The following RRAS2 variants were observed in gnomAD, a reference collection of about 807,000 sequenced individuals.
The protein encoded by RRAS2 is ras-related protein R-Ras2.
In RRAS2, 7 loss-of-function variants were observed where a neutral mutation model predicts 27.6. The ratio of observed to expected loss-of-function variants is 0.25; its 90% CI spans 0.14 to 0.48. The LOEUF (loss-of-function observed/expected upper bound fraction) is 0.48, where lower values mean the gene tolerates loss of function less well. Among genes scored for constraint, RRAS2 ranks in the 20% least tolerant of loss-of-function variants. RRAS2 has a pLI of 0.99. For synonymous variants in RRAS2, 86 were observed against 90.9 expected (o/e 0.95, Z 0.31); for missense variants, 178 against 256.2 (o/e 0.69, Z 2.08).
chr11:14,337,004 C>T (rs1021887838), intron 1 of RRAS2: 4 of 152,134 alleles, frequency 2.6e-5, no homozygotes, highest in African/African-American at 4.8e-5. Context: ...ATCTTACCTA[C>T]AGGAGAAAAA....
At chr11:14,294,637 C>G in intron 3 of RRAS2, 58 bp from the exon 4 acceptor site, 1 of 1,473,038 alleles carries the variant, frequency 6.8e-7, no homozygotes. Flanking sequence ...CAGAATTCAG[C>G]AAGTCTCATG....
chr11:14,302,819 G>A (rs1422106967), intron 1 of RRAS2, among the ~76,000 whole-genome samples: 2 of 152,204 alleles, frequency 1.3e-5, no homozygotes, highest in African/African-American at 4.8e-5. Flanking sequence ...GGAGGCAGCA[G>A]AATTGAGGGA....
Position 14,355,218 on chromosome 11 carries a change from A to G in RRAS2, c.108+3545T>C, listed in dbSNP as rs1288092054. 3.3e-5 allele frequency among the ~76,000 whole-genome samples: 5 copies of G among 152,170 alleles called. No individual in the cohort carries two copies. In the South Asian group the frequency reaches 6.2e-4, roughly 19 times the overall value. On this transcript the variant is annotated intron_variant, in intron 1 of 5. Transcript: ENST00000256196. The stretch of plus-strand genomic sequence containing the variant: ...GCAGAAATTTGTTCAACCAAACCCA[A>G]CATTTCATGGGGAAGAAAGAGAAGC...
intron 1 of RRAS2, among the ~76,000 whole-genome samples, chr11:14,349,995 G>GC (rs1479774549): frequency 1.3e-5 from 2 of 152,150 alleles, no homozygotes; most frequent in Non-Finnish European, 2.9e-5. Flanking sequence ...AAGGGTCCCT[G>GC]CCCCCATTCC....
intron 1 of RRAS2, among the ~76,000 whole-genome samples, chr11:14,351,826 C>T (rs1167415304): frequency 1.4e-5 from 2 of 138,244 alleles, no homozygotes; most frequent in African/African-American, 5.4e-5. Flanking sequence ...ACCCAGGAGG[C>T]GGAGGTTGCA....
At chr11:14,319,118 T>C (rs1034014016) in intron 1 of RRAS2, among the ~76,000 whole-genome samples, 2 of 152,168 alleles carry the variant, frequency 1.3e-5, no homozygotes. Flanking sequence ...AATTACATCA[T>C]TACAATGAGA....
At chr11:14,353,678 A>G (rs1259478068) in intron 1 of RRAS2, among the ~76,000 whole-genome samples, 2 of 152,158 alleles carry the variant, frequency 1.3e-5, no homozygotes, top group African/African-American at 4.8e-5. Context: ...AAACACACAC[A>G]CACAGAGACA....
chr11:14,283,539 A>G (rs1430760646), intron 4 of RRAS2, among the ~76,000 whole-genome samples: 1 of 152,158 alleles, frequency 6.6e-6, no homozygotes, highest in East Asian at 1.9e-4. Context: ...CTGGGCTTGA[A>G]GTTTTCTTTG....
chr11:14,346,749 C>G (rs1564981808), intron 1 of RRAS2, among the ~76,000 whole-genome samples: 2 of 152,186 alleles, frequency 1.3e-5, no homozygotes, highest in Non-Finnish European at 1.5e-5. Context: ...ACAAAAATGA[C>G]AACTATGTGA....
rs147852070 is a variant in RRAS2 at position 14,325,921 on chromosome 11, A to G, written c.109-30066T>C. ...ATACTGTCCAATTGTGGAATGCAGT[A>G]GAGGCTGGGGAATGAGCAGCAACTG... On this transcript the variant is annotated intron_variant, in intron 1 of 5. Coordinates refer to ENST00000256196, the MANE Select transcript of RRAS2 (RefSeq NM_012250.6). 1.2e-4 allele frequency among the ~76,000 whole-genome samples: 18 copies of G among 152,344 alleles called. No individual in the cohort carries two copies. In the East Asian group the frequency reaches 3.5e-3, roughly 29 times the overall value.
intron 1 of RRAS2, among the ~76,000 whole-genome samples, chr11:14,350,620 C>T (rs1436356327): frequency 6.6e-6 from 1 of 151,974 alleles, no homozygotes; most frequent in African/African-American, 2.4e-5. Context: ...TCCAATCTTT[C>T]GATTTCCCTG....
chr11:14,327,328 T>G (rs1848383407), intron 1 of RRAS2, among the ~76,000 whole-genome samples: 1 of 152,034 alleles, frequency 6.6e-6, no homozygotes. Context: ...TCAAAACAAG[T>G]ACTATAACCA....
At chr11:14,319,891 T>G (rs1848189425) in intron 1 of RRAS2, among the ~76,000 whole-genome samples, 1 of 152,142 alleles carries the variant, frequency 6.6e-6, no homozygotes, top group Non-Finnish European at 1.5e-5. Flanking sequence ...TAATTCCAGT[T>G]TACTGATGGA....
chr11:14,300,506 G>A (rs1209698458), intron 1 of RRAS2, among the ~76,000 whole-genome samples: 1 of 152,078 alleles, frequency 6.6e-6, no homozygotes, highest in African/African-American at 2.4e-5. Context: ...CTTGAGCCCA[G>A]AAAGATGAGG....
intron 1 of RRAS2, among the ~76,000 whole-genome samples, chr11:14,323,441 G>A (rs1392739521): frequency 6.6e-6 from 1 of 150,702 alleles, no homozygotes; most frequent in Non-Finnish European, 1.5e-5. Context: ...CTGGGTGACA[G>A]AGCGAGACCC....
At chr11:14,348,115 T>C (rs1166853536) in intron 1 of RRAS2, among the ~76,000 whole-genome samples, 1 of 152,306 alleles carries the variant, frequency 6.6e-6, no homozygotes, top group East Asian at 1.9e-4. Context: ...CTTTATGCTC[T>C]GCTTGGTTCC....
At chr11:14,356,836 C>CT (rs1293940123) in intron 1 of RRAS2, 2 of 415,880 alleles carry the variant, frequency 4.8e-6, no homozygotes, top group African/African-American at 2.4e-5. Flanking sequence ...GAGTCTCGCT[C>CT]TGTTGCCCAG....
rs1177557693 is a variant in RRAS2 at position 14,359,181 on chromosome 11, T to C, written c.-311A>G. The C allele has an allele frequency of 2.0e-6, 2 of 993,182 alleles. No homozygotes were observed. The highest frequency in any genetic ancestry group is 4.8e-5 in the South Asian group (1 of 20,790). 61.5% of individuals were successfully genotyped at this position (993,182 alleles called of 1,614,324 possible). A position where few individuals can be genotyped will look rare whatever the true frequency, so the allele number is the denominator to read the frequency against. On this transcript the variant is annotated 5_prime_UTR_variant, in exon 1 of 6. Transcript: ENST00000256196. Reference sequence around the variant, plus strand: ...CCTCCAGCGCCGCCACAAATGGCCGTCTGGGGGCCGGGCTGCCAGGCTGAG... The same window carrying C: ...CCTCCAGCGCCGCCACAAATGGCCGCCTGGGGGCCGGGCTGCCAGGCTGAG...
At chr11:14,307,219 A>AC (rs1185764294) in intron 1 of RRAS2, among the ~76,000 whole-genome samples, 6 of 139,662 alleles carry the variant, frequency 4.3e-5, no homozygotes, top group African/African-American at 1.6e-4. Context: ...ACAAAAAAAA[A>AC]CAAAAAACAA....
Sources: gnomAD v4.1 joint callset for allele counts (sites outside exome capture counted in the v4.1 genomes callset) on GRCh38, gnomAD v4.1.1 for gene constraint, MANE v1.5 for transcripts, NCBI Gene and HGNC (gene_info 2026-07-23, HGNC 2026-07-21) for gene names.